KIF5C: variants seen among roughly 807,000 people sequenced by gnomAD.
KIF5C encodes kinesin heavy chain isoform 5C.
KIF5C carries 18 observed loss-of-function variants against 125.2 expected under a neutral mutation model. The ratio of observed to expected loss-of-function variants is 0.14; its 90% confidence interval spans 0.10 to 0.21. The LOEUF (loss-of-function observed/expected upper bound fraction) is 0.21, where lower values mean the gene tolerates loss of function less well. Ranked by LOEUF, KIF5C falls within the 10% of genes least tolerant of loss-of-function variation. The probability of loss-of-function intolerance (pLI) is 1.00; values close to 1 mark genes in which losing one functional copy is unlikely to be tolerated. For missense variants in KIF5C, 780 were observed against 1,183.8 expected, an observed-to-expected ratio of 0.66 and a Z score of 5.01; for synonymous variants, 405 against 434.0, an observed-to-expected ratio of 0.93 and a Z score of 0.83.
chr2:148,943,741 A>G (rs1163163490), intron 7 of KIF5C, among the ~76,000 whole-genome samples: 1 of 152,190 alleles, frequency 6.6e-6, no homozygotes, highest in African/African-American at 2.4e-5. Flanking sequence ...AAAGAGATTC[A>G]GGCATTGGTT....
intron 15 of KIF5C, among the ~76,000 whole-genome samples, chr2:148,985,375 C>T (rs945528808): frequency 2.0e-5 from 3 of 152,144 alleles, no homozygotes; most frequent in East Asian, 1.9e-4. Context: ...GAAATTTTGA[C>T]GTATGTGTAC....
At chr2:148,900,123 A>G (rs572828616) in intron 1 of KIF5C, among the ~76,000 whole-genome samples, 17 of 151,882 alleles carry the variant, frequency 1.1e-4, no homozygotes, top group African/African-American at 3.9e-4. Context: ...TGATTTTGTG[A>G]TTTTTTTTCC....
chr2:149,001,709 C>T (rs1681856378), intron 21 of KIF5C, among the ~76,000 whole-genome samples: 1 of 152,254 alleles, frequency 6.6e-6, no homozygotes, highest in South Asian at 2.1e-4. Context: ...CGCTTTAAGA[C>T]AGACCATTCT....
intron 1 of KIF5C, among the ~76,000 whole-genome samples, chr2:148,898,515 T>G (rs545122769): frequency 1.3e-5 from 2 of 152,312 alleles, no homozygotes; most frequent in South Asian, 4.2e-4. Context: ...GATTGTCTAG[T>G]GCAATCACAG....
intron 10 of KIF5C, among the ~76,000 whole-genome samples, chr2:148,953,339 T>C (rs1310114795): frequency 3.9e-5 from 6 of 152,234 alleles, no homozygotes; most frequent in African/African-American, 1.4e-4. Flanking sequence ...TTGGATCTGG[T>C]TTGCTTTCCA....
chr2:148,881,956 A>T (rs1307668112), intron 1 of KIF5C, among the ~76,000 whole-genome samples: 4 of 152,166 alleles, frequency 2.6e-5, no homozygotes, highest in African/African-American at 9.7e-5. Flanking sequence ...TGACAGATCC[A>T]GTCTCACCTT....
chr2:148,900,571 C>G (rs1680856124), intron 1 of KIF5C, among the ~76,000 whole-genome samples: 1 of 152,214 alleles, frequency 6.6e-6, no homozygotes, highest in Non-Finnish European at 1.5e-5. Context: ...TTACAAGCTT[C>G]CTGCCTCCTT....
chr2:148,881,716 C>T (rs1681360934), intron 1 of KIF5C, among the ~76,000 whole-genome samples: 1 of 151,480 alleles, frequency 6.6e-6, no homozygotes, highest in Non-Finnish European at 1.5e-5. Context: ...TTAGTCCTTA[C>T]CTCTAAATCA....
chr2:148,951,329 A>T (rs1348117358), intron 10 of KIF5C, among the ~76,000 whole-genome samples: 2 of 152,224 alleles, frequency 1.3e-5, no homozygotes, highest in East Asian at 3.8e-4. Context: ...AAAAATTCCC[A>T]CATGAGACTT....
At chr2:148,948,342 G>C (rs1682573701) in intron 8 of KIF5C, among the ~76,000 whole-genome samples, 1 of 150,464 alleles carries the variant, frequency 6.6e-6, no homozygotes, top group Admixed American at 6.6e-5. Context: ...GGGTGACAGA[G>C]GGAGACTCTG....
chr2:149,000,234 C>T, intron 19 of KIF5C, 189 bp from the exon 20 acceptor site: 1 of 570,580 alleles, frequency 1.8e-6, no homozygotes. Flanking sequence ...CTTAGATGCA[C>T]CCCAGAAATT....
chr2:148,940,922 C>T lies in KIF5C; in HGVS notation c.397-688C>T, dbSNP rs150000957. ...GCAACTGAGAACCAGATTCCTAGTT[C>T]CTTTTATCTGGGATTCGGATTCAGC... On this transcript the variant is annotated intron_variant, in intron 4 of 25. Transcript: ENST00000435030. 1.5e-3 allele frequency among the ~76,000 whole-genome samples: 225 copies of T among 152,258 alleles called. 1 individual carries two copies. The highest frequency in any genetic ancestry group is 2.5e-3 in the Non-Finnish European group (170 of 68,020).
chr2:148,944,042 A>C (rs1327403780), intron 7 of KIF5C, among the ~76,000 whole-genome samples: 1 of 152,190 alleles, frequency 6.6e-6, no homozygotes, highest in East Asian at 1.9e-4. Flanking sequence ...AGCTGTTTTT[A>C]ATCACAAATT....
chr2:148,941,785 G>C, intron 5 of KIF5C, 127 bp downstream of exon 5: 1 of 1,453,196 alleles, frequency 6.9e-7, no homozygotes, highest in Non-Finnish European at 9.2e-7. Flanking sequence ...TGCCTTCAGG[G>C]TATATGTTTA....
rs186101705 is a variant in KIF5C at position 148,992,510 on chromosome 2, T to C, written c.1905+1312T>C. Among the ~76,000 whole-genome samples the C allele has an allele frequency of 1.4e-3, 213 of 152,328 alleles. 1 individual carries two copies. The Middle Eastern group carries it at 0.024, about 17-fold the overall frequency. On this transcript the variant is annotated intron_variant, in intron 16 of 25. Coordinates refer to ENST00000435030, the MANE Select transcript of KIF5C (RefSeq NM_004522.3). ...AAGACAGTGTTATTTTGCATTATAA[T>C]AAAATAAATTGCCCAAATATCCATT...
At chr2:148,987,078 G>A (rs1228421765) in intron 15 of KIF5C, among the ~76,000 whole-genome samples, 1 of 152,178 alleles carries the variant, frequency 6.6e-6, no homozygotes, top group African/African-American at 2.4e-5. Context: ...TACAGGTTGG[G>A]AAGTGTAGCC....
chr2:148,963,749 T>C (rs1574793179), intron 11 of KIF5C, among the ~76,000 whole-genome samples: 2 of 152,228 alleles, frequency 1.3e-5, no homozygotes, highest in Non-Finnish European at 1.5e-5. Context: ...GGTAAAGGAT[T>C]GGGGGTGCTG....
At position 148,950,368 on chromosome 2, in the gene KIF5C, T is replaced by C. The variant is rs1490590663; in HGVS notation, c.874T>C (p.Leu292=). ...SKMTRILQDS[L]GGNCRTTIVI... is the part of the protein sequence containing the mutation. ...GATGACTCGGATTCTTCAGGACTCT[T>C]TGGGTGGGAACTGCAGAACCACCAT... is the stretch of plus-strand genomic sequence containing the variant. Residue 292 remains leucine, a synonymous_variant, in exon 10 of 26, where the codon TTG becomes CTG. Coordinates refer to ENST00000435030, the MANE Select transcript of KIF5C (RefSeq NM_004522.3). 1.7e-5 allele frequency: 27 copies of C among 1,613,890 alleles called. No homozygotes were observed. Among genetic ancestry groups the C allele is most frequent in the Non-Finnish European group, 2.3e-5 (27 of 1,179,892 alleles).
chr2:149,011,132 G>A (rs1682181173), intron 24 of KIF5C, among the ~76,000 whole-genome samples: 1 of 151,938 alleles, frequency 6.6e-6, no homozygotes, highest in African/African-American at 2.4e-5. Context: ...TTAGAATAGT[G>A]GTTCATTGCA....
Sources: gnomAD v4.1 joint callset for allele counts (sites outside exome capture counted in the v4.1 genomes callset) on GRCh38, gnomAD v4.1.1 for gene constraint, MANE v1.5 for transcripts, NCBI Gene and HGNC (gene_info 2026-07-23, HGNC 2026-07-21) for gene names.